The following RAB27B variants were observed in gnomAD, a reference collection of about 807,000 sequenced individuals.
RAB27B encodes the protein ras-related protein Rab-27B.
A neutral mutation model predicts 24.6 loss-of-function variants in RAB27B; 15 were observed. That is an observed-to-expected ratio of 0.61 (90% confidence interval 0.41 to 0.94). The LOEUF is 0.94. Among genes scored for constraint, RAB27B ranks in the 40% least tolerant of loss-of-function variants. RAB27B has a pLI of 0.00. For missense variants in RAB27B, 261 were observed against 266.8 expected (o/e 0.98, Z 0.15); for synonymous variants, 105 against 92.5 (o/e 1.14, Z -0.78).
intron 2 of RAB27B, among the ~76,000 whole-genome samples, chr18:54,819,840 A>C (rs1192832529): frequency 7.2e-6 from 1 of 138,998 alleles, no homozygotes; most frequent in Non-Finnish European, 1.5e-5. Context: ...CTAATTGTTC[A>C]ATTCCCACCT....
At chr18:54,875,558 G>A (rs1412142688) in intron 1 of RAB27B, among the ~76,000 whole-genome samples, 2 of 147,554 alleles carry the variant, frequency 1.4e-5, no homozygotes, top group Non-Finnish European at 1.5e-5. Context: ...TTTTTTTTGA[G>A]AACATCCATG....
rs926077769 is a variant in RAB27B at position 54,850,351 on chromosome 18, TATATATATAC to T, written c.-20+21655_-20+21664del. On this transcript the variant is annotated intron_variant, in intron 1 of 5. Transcript: ENST00000262094. ...CAAACAGGATATATATATATATATATATATATATACATACATACATATGTTTAGTTTTTTT... is the reference window on the plus strand; with the variant it reads ...CAAACAGGATATATATATATATATATATACATACATATGTTTAGTTTTTTT... Among the ~76,000 whole-genome samples the T allele has an allele frequency of 1.3e-4, 18 of 137,892 alleles. 1 individual carries two copies. The highest frequency in any genetic ancestry group is 5.0e-4 in the African/African-American group (18 of 35,704). The allele number at this position is 137,892 out of a possible 152,430, so 90.5% of individuals were successfully genotyped here.
chr18:54,874,733 T>G (rs1044258334), intron 1 of RAB27B, among the ~76,000 whole-genome samples: 8 of 152,216 alleles, frequency 5.3e-5, no homozygotes, highest in Non-Finnish European at 1.2e-4. Context: ...TAGGGAAGAA[T>G]TTGGCTTTAG....
rs1387990974 is a variant in RAB27B, at chr18:54,885,298, A to T, written c.343+862A>T. Reference sequence around the variant, plus strand: ...ATCTGTAGCTAGAGTTGTATTTTTTAAAAACTAGATCATGTTATTTTCCTG... The same window carrying T: ...ATCTGTAGCTAGAGTTGTATTTTTTTAAAACTAGATCATGTTATTTTCCTG... On this transcript the variant is annotated intron_variant, in intron 4 of 5. Coordinates refer to ENST00000262094, the MANE Select transcript of RAB27B (RefSeq NM_004163.4). Among the ~76,000 whole-genome samples the T allele has an allele frequency of 2.0e-5, 3 of 152,212 alleles. No individual in the cohort carries two copies. In the East Asian group the frequency reaches 5.8e-4, roughly 29 times the overall value.
intron 2 of RAB27B, among the ~76,000 whole-genome samples, chr18:54,772,653 CAGTCT>C (rs1908586793): frequency 6.6e-6 from 1 of 152,146 alleles, no homozygotes; most frequent in Admixed American, 6.5e-5. Context: ...ACTCCAAACT[CAGTCT>C]CTTTTATTAA....
intron 1 of RAB27B, among the ~76,000 whole-genome samples, chr18:54,831,519 C>G (rs1268550574): frequency 6.6e-6 from 1 of 152,138 alleles, no homozygotes. Flanking sequence ...TAAATATTTA[C>G]TGAGCATACT....
At chr18:54,795,863 GTATT>G (rs1418677749) in intron 2 of RAB27B, among the ~76,000 whole-genome samples, 1 of 152,110 alleles carries the variant, frequency 6.6e-6, no homozygotes, top group Non-Finnish European at 1.5e-5. Context: ...CATAAAACCT[GTATT>G]TATCATTAGC....
chr18:54,851,130 C>T (rs1203906658), intron 1 of RAB27B, among the ~76,000 whole-genome samples: 1 of 152,124 alleles, frequency 6.6e-6, no homozygotes, highest in Non-Finnish European at 1.5e-5. Context: ...CTATATATAT[C>T]TACACTGAGA....
upstream of RAB27B, among the ~76,000 whole-genome samples, chr18:54,826,612 G>T (rs1910485338): frequency 6.6e-6 from 1 of 152,182 alleles, no homozygotes; most frequent in African/African-American, 2.4e-5. Context: ...TCTAGGGAAA[G>T]GTGGCAAGGA....
chr18:54,741,558 A>G (rs547043671), intron 2 of RAB27B, among the ~76,000 whole-genome samples: 1 of 152,108 alleles, frequency 6.6e-6, no homozygotes, highest in African/African-American at 2.4e-5. Flanking sequence ...CAGTGGTACA[A>G]TCTCAGCTCA....
At chr18:54,763,515 T>C (rs919473723) in intron 2 of RAB27B, among the ~76,000 whole-genome samples, 1 of 152,070 alleles carries the variant, frequency 6.6e-6, no homozygotes, top group Non-Finnish European at 1.5e-5. Context: ...CAGTACATGC[T>C]CCAGGGATAG....
At chr18:54,742,534 A>T (rs950996931) in intron 2 of RAB27B, among the ~76,000 whole-genome samples, 1 of 152,194 alleles carries the variant, frequency 6.6e-6, no homozygotes, top group Non-Finnish European at 1.5e-5. Context: ...TACATTTGCT[A>T]TGTCTGCAAT....
rs571505782 is a variant in RAB27B at position 54,722,199 on chromosome 18, T to G, written c.-20+4058T>G. Among the ~76,000 whole-genome samples, 8 of 152,294 alleles carry G rather than the reference T, an allele frequency of 5.3e-5. No individual in the cohort carries two copies. The South Asian group carries it at 1.7e-3, about 32-fold the overall frequency. On this transcript the variant is annotated intron_variant, in intron 2 of 4. Transcript: ENST00000586570. ...GATTGTTTTACCACTCCTGTACCGC[T>G]TTCTTTAAATTTTTTGGGTGAATTC...
chr18:54,759,790 T>G (rs1194025244), intron 2 of RAB27B, among the ~76,000 whole-genome samples: 1 of 152,116 alleles, frequency 6.6e-6, no homozygotes, highest in Non-Finnish European at 1.5e-5. Context: ...CAGCCTGACT[T>G]CAGAGGTACA....
At chr18:54,779,277 A>C (rs1189063145) in intron 2 of RAB27B, among the ~76,000 whole-genome samples, 4 of 152,250 alleles carry the variant, frequency 2.6e-5, no homozygotes, top group Non-Finnish European at 5.9e-5. Flanking sequence ...AATCAACCAG[A>C]GAGCTTATTG....
intron 1 of RAB27B, among the ~76,000 whole-genome samples, chr18:54,848,761 GT>G (rs1911438446): frequency 1.3e-5 from 2 of 152,242 alleles, no homozygotes; most frequent in South Asian, 4.1e-4. Context: ...AGATTTCATG[GT>G]ATGGCGGGGA....
chr18:54,788,521 T>G (rs916209610), intron 2 of RAB27B, among the ~76,000 whole-genome samples: 4 of 152,170 alleles, frequency 2.6e-5, no homozygotes, highest in African/African-American at 9.7e-5. Flanking sequence ...CATGTTGGTC[T>G]CAAACTCCTG....
intron 2 of RAB27B, among the ~76,000 whole-genome samples, chr18:54,719,003 C>A (rs983326756): frequency 4.0e-5 from 6 of 151,874 alleles, no homozygotes; most frequent in African/African-American, 9.6e-5. Context: ...CATAAATGAA[C>A]AAAATATTGA....
intron 1 of RAB27B, among the ~76,000 whole-genome samples, chr18:54,851,029 T>C (rs960751370): frequency 6.6e-6 from 1 of 152,138 alleles, no homozygotes; most frequent in Non-Finnish European, 1.5e-5. Context: ...GAAGATTCAA[T>C]TAACTAATAT....
Sources: gnomAD v4.1 joint callset for allele counts (sites outside exome capture counted in the v4.1 genomes callset) on GRCh38, gnomAD v4.1.1 for gene constraint, MANE v1.5 for transcripts, NCBI Gene and HGNC (gene_info 2026-07-23, HGNC 2026-07-21) for gene names.